Variants in CDCA8 observed in about 807,000 individuals in gnomAD.
The protein encoded by CDCA8 is cell division cycle associated 8, also known as borealin.
CDCA8 carries 25 observed loss-of-function variants against 40.0 expected under a neutral mutation model. That is an observed-to-expected ratio of 0.63 (90% CI 0.46 to 0.87). CDCA8 has a LOEUF of 0.87. Among genes scored for constraint, CDCA8 ranks in the 40% least tolerant of loss-of-function variants. The pLI, the probability that CDCA8 is intolerant of heterozygous loss-of-function variation, is 0.00. For synonymous variants in CDCA8, 111 were observed against 126.5 expected (o/e 0.88, Z 0.82); for missense variants, 280 against 348.4 (o/e 0.80, Z 1.56).
chr1:37,696,066 G>C lies in CDCA8; in HGVS notation c.264+116G>C. ...TTTCATAAAGGGACATCATCTGTTT[G>C]TGTCAACTGAAAAATTAGAGTTGGA... On this transcript the variant is annotated intron_variant, in intron 3 of 9. Coordinates refer to ENST00000373055, the MANE Select transcript of CDCA8 (RefSeq NM_001256875.2). The surrounding 1 kb of genome is among the most constrained non-coding windows in gnomAD (Gnocchi z 5.0). The C allele has an allele frequency of 1.1e-6, 1 of 885,054 alleles. No individual in the cohort carries two copies. The highest frequency in any genetic ancestry group is 1.8e-6 in the Non-Finnish European group (1 of 552,788). The allele number at this position is 885,054 out of a possible 1,614,324, so 54.8% of individuals were successfully genotyped here.
chr1:37,699,281 C>T (rs142670072), intron 4 of CDCA8, among the ~76,000 whole-genome samples: 132 of 152,252 alleles, frequency 8.7e-4, no homozygotes, highest in African/African-American at 3.1e-3. Flanking sequence ...AGAAACCAAA[C>T]ATTGTTGCCT....
chr1:37,693,105 G>C (rs1014537371), intron 2 of CDCA8, 72 bp downstream of exon 2: 2 of 1,401,844 alleles, frequency 1.4e-6, no homozygotes, highest in Middle Eastern at 1.8e-4. Flanking sequence ...TTCAGAAAGG[G>C]CTCGCTCAGA....
chr1:37,695,834 A>G, intron 2 of CDCA8, 76 bp from the exon 3 acceptor site: 1 of 1,359,682 alleles, frequency 7.4e-7, no homozygotes, highest in Non-Finnish European at 1.0e-6. Context: ...GACCAGTTTT[A>G]GAAAGATAAA....
intron 6 of CDCA8, 59 bp downstream of exon 6, chr1:37,701,877 T>C: frequency 3.9e-6 from 5 of 1,287,474 alleles, no homozygotes; most frequent in Non-Finnish European, 5.6e-6. Context: ...ATATATATCA[T>C]GGCAGAAAGT....
chr1:37,708,510 C>A lies in CDCA8; in HGVS notation c.*144C>A. 2.6e-6 allele frequency: 2 copies of A among 766,700 alleles called. No homozygotes were observed. Among genetic ancestry groups the A allele is most frequent in the East Asian group, 5.3e-5 (2 of 38,000 alleles). 47.5% of individuals were successfully genotyped at this position (766,700 alleles called of 1,614,324 possible). A position where few individuals can be genotyped will look rare whatever the true frequency, so the allele number is the denominator to read the frequency against. On this transcript the variant is annotated 3_prime_UTR_variant, in exon 10 of 10. Transcript: ENST00000373055. Reference sequence around the variant, plus strand: ...AAGGGAATTCAGGAATTCAGACGTGCTAGTCCCACACCAGTTAGGTAGAGC... The same window carrying A: ...AAGGGAATTCAGGAATTCAGACGTGATAGTCCCACACCAGTTAGGTAGAGC...
intron 8 of CDCA8, among the ~76,000 whole-genome samples, chr1:37,706,013 G>A (rs770332136): frequency 5.3e-5 from 8 of 150,328 alleles, no homozygotes; most frequent in Non-Finnish European, 1.0e-4. Context: ...GTTTCACCAC[G>A]TTGGCCAGGA....
intron 7 of CDCA8, among the ~76,000 whole-genome samples, chr1:37,705,035 G>A (rs3790624): frequency 0.19 from 29,292 of 152,128 alleles, 3,184 homozygotes; most frequent in East Asian, 0.45. Context: ...TATTTTAACT[G>A]TCTTGAGAAA....
chr1:37,703,024 A>G (rs1038739892), intron 6 of CDCA8, among the ~76,000 whole-genome samples: 9 of 151,316 alleles, frequency 5.9e-5, no homozygotes, highest in Non-Finnish European at 1.0e-4. Flanking sequence ...TCCTAATTGG[A>G]TATGTGATCT....
intron 7 of CDCA8, among the ~76,000 whole-genome samples, chr1:37,704,895 C>G (rs182133735): frequency 1.3e-5 from 2 of 151,942 alleles, no homozygotes; most frequent in Non-Finnish European, 2.9e-5. Context: ...TGATCCACCC[C>G]CCTCGGCCTC....
chr1:37,698,370 T>C (rs538083732), intron 3 of CDCA8, among the ~76,000 whole-genome samples: 2 of 152,366 alleles, frequency 1.3e-5, no homozygotes, highest in South Asian at 4.1e-4. Context: ...GTGTTTATAA[T>C]AGCAGGAAAC....
At chr1:37,707,922 A>G (rs1358433973) in intron 9 of CDCA8, among the ~76,000 whole-genome samples, 3 of 152,208 alleles carry the variant, frequency 2.0e-5, no homozygotes, top group Non-Finnish European at 4.4e-5. Context: ...TGGGTGGTGG[A>G]TGAAGCACTT....
Position 37,695,895 on chromosome 1 carries a change from A to G in CDCA8, c.224-15A>G. On this transcript the variant is annotated splice_polypyrimidine_tract_variant and intron_variant, in intron 2 of 9. Transcript: ENST00000373055. ...TTGTTAAAATGTAATAGTAACTACA[A>G]CGTTCTTTTTAAAGCCCTTGGAGGA... 1 of 1,611,342 alleles carries G rather than the reference A, an allele frequency of 6.2e-7. No homozygotes were observed. The highest frequency in any genetic ancestry group is 8.5e-7 in the Non-Finnish European group (1 of 1,177,466).
At chr1:37,701,038 G>A (rs1006957121) in intron 5 of CDCA8, among the ~76,000 whole-genome samples, 1 of 152,182 alleles carries the variant, frequency 6.6e-6, no homozygotes, top group Non-Finnish European at 1.5e-5. Context: ...GACTGGGGGT[G>A]GTGGAGCACA....
At chr1:37,704,891 A>AC (rs11412732) in intron 7 of CDCA8, among the ~76,000 whole-genome samples, 12,279 of 151,012 alleles carry the variant, frequency 0.081, 553 homozygotes, top group Middle Eastern at 0.16. Context: ...CAGGTGATCC[A>AC]CCCCCCTCGG....
At chr1:37,705,654 TCA>T in intron 8 of CDCA8, 87 bp downstream of exon 8, 1 of 1,504,358 alleles carries the variant, frequency 6.6e-7, no homozygotes, top group South Asian at 1.2e-5. Context: ...CGCTTCACCC[TCA>T]GAGTCCTTTC....
chr1:37,699,080 A>G (rs1172529846), intron 4 of CDCA8, 103 bp downstream of exon 4: 2 of 749,910 alleles, frequency 2.7e-6, no homozygotes, highest in Admixed American at 4.4e-5. Flanking sequence ...TCTTCCCTTT[A>G]ATGTCTGGTT....
chr1:37,703,377 A>T, intron 7 of CDCA8, 30 bp downstream of exon 7: 1 of 1,465,172 alleles, frequency 6.8e-7, no homozygotes, highest in South Asian at 1.1e-5. Context: ...CTTGGATTTG[A>T]TGGGACTCCA....
intron 1 of CDCA8, 44 bp from the exon 2 acceptor site, chr1:37,692,861 C>A (rs746188983): frequency 6.2e-7 from 1 of 1,612,860 alleles, no homozygotes; most frequent in African/African-American, 1.3e-5. Context: ...TGCACAGATT[C>A]GCCCGCCCGT....
In CDCA8 at chr1:37,696,696, C is replaced by T. The variant is rs928734036; in HGVS notation, c.264+746C>T. ...TATACAAACAATGCGTGTGTATGCA[C>T]GCATTTGTGTATCTTTCTGTTAGTT... On this transcript the variant is annotated intron_variant, in intron 3 of 9. Coordinates refer to ENST00000373055, the MANE Select transcript of CDCA8 (RefSeq NM_001256875.2). This position sits in a 1 kb window ranked among gnomAD's most constrained non-coding sequence, Gnocchi z 5.0. Among the ~76,000 whole-genome samples the T allele has an allele frequency of 5.3e-5, 8 of 152,194 alleles. No homozygotes were observed. Among genetic ancestry groups the T allele is most frequent in the African/African-American group, 1.7e-4 (7 of 41,454 alleles).
Sources: gnomAD v4.1 joint callset for allele counts (sites outside exome capture counted in the v4.1 genomes callset) on GRCh38, gnomAD v4.1.1 for gene constraint, Gnocchi (gnomAD v3.1) non-coding constraint, MANE v1.5 for transcripts, NCBI Gene and HGNC (gene_info 2026-07-23, HGNC 2026-07-21) for gene names.